ORC5: variants seen among roughly 807,000 people sequenced by gnomAD.
ORC5 encodes the protein origin recognition complex subunit 5, also known as protein phosphatase 1, regulatory subunit 117.
A neutral mutation model predicts 58.8 loss-of-function variants in ORC5; 39 were observed. The ratio of observed to expected loss-of-function variants is 0.66; its 90% CI spans 0.51 to 0.87. The LOEUF is 0.87. Among genes scored for constraint, ORC5 ranks in the 40% least tolerant of loss-of-function variants. The pLI is 0.00. For missense variants in ORC5, 493 were observed against 506.3 expected, an observed-to-expected ratio of 0.97 and a Z score of 0.25; for synonymous variants, 218 against 177.6, an observed-to-expected ratio of 1.23 and a Z score of -1.81.
chr7:104,176,027 A>G (rs1199586449), intron 8 of ORC5, among the ~76,000 whole-genome samples: 2 of 152,266 alleles, frequency 1.3e-5, no homozygotes, highest in Admixed American at 6.5e-5. Context: ...ATGTTGGTAC[A>G]CAGTCTTCAT....
chr7:104,192,644 T>C (rs117983623), intron 5 of ORC5, among the ~76,000 whole-genome samples: 4,139 of 151,860 alleles, frequency 0.027, 73 homozygotes, highest in Non-Finnish European at 0.04. Context: ...CAAAAACTAC[T>C]AGACACATGA....
At chr7:104,127,618 C>G (rs939494429) in intron 13 of ORC5, among the ~76,000 whole-genome samples, 1 of 152,000 alleles carries the variant, frequency 6.6e-6, no homozygotes, top group Non-Finnish European at 1.5e-5. Context: ...AAAATTAAAG[C>G]CTTAAGTATT....
chr7:104,194,395 T>C (rs1215896592), intron 5 of ORC5, among the ~76,000 whole-genome samples: 1 of 152,130 alleles, frequency 6.6e-6, no homozygotes, highest in Non-Finnish European at 1.5e-5. Context: ...CTGCTAACCA[T>C]CTTATACTTC....
In ORC5 at chr7:104,161,122, A is replaced by G; in HGVS notation, c.1099T>C (p.Tyr367His). 1 of 1,611,200 alleles carries G rather than the reference A, an allele frequency of 6.2e-7. No individual in the cohort carries two copies. The highest frequency in any genetic ancestry group is 8.5e-7 in the Non-Finnish European group (1 of 1,177,588). Residue 367 changes from tyrosine (Y) to histidine (H), a missense_variant, in exon 12 of 14, where the codon TAT becomes CAT. Around this residue, in one of 3 missense-constraint regions of ORC5, gnomAD observed 77 missense variants for 86.1 expected, o/e 0.89. Coordinates refer to ENST00000297431, the MANE Select transcript of ORC5 (RefSeq NM_002553.4). ...FPLDRLLAIL[Y>H]SIVDSRVAPT... ...GCAACTCTGCTGTCCACGATACTAT[A>G]TAATATTGCTAATAATCTGTCTAGT...
At chr7:104,205,084 CTCTTTT>C (rs1419693700) in intron 1 of ORC5, among the ~76,000 whole-genome samples, 9 of 102,394 alleles carry the variant, frequency 8.8e-5, no homozygotes, top group Admixed American at 1.9e-4. Flanking sequence ...TTTAATAATA[CTCTTTT>C]TTTTTTTTTT....
intron 12 of ORC5, among the ~76,000 whole-genome samples, chr7:104,155,467 C>G (rs898036360): frequency 6.6e-6 from 1 of 151,148 alleles, no homozygotes; most frequent in Non-Finnish European, 1.5e-5. Flanking sequence ...TCAGCTGTTT[C>G]TTGGTATTAA....
chr7:104,183,330 T>A (rs141896976), intron 8 of ORC5, among the ~76,000 whole-genome samples: 2 of 152,224 alleles, frequency 1.3e-5, no homozygotes, highest in East Asian at 3.9e-4. Context: ...ATTCACTCCC[T>A]TCGACATGTG....
chr7:104,198,936 T>C (rs945690504), intron 3 of ORC5, among the ~76,000 whole-genome samples: 1 of 152,248 alleles, frequency 6.6e-6, no homozygotes, highest in Non-Finnish European at 1.5e-5. Flanking sequence ...GGCCAGCGTA[T>C]AGCTCAGGCT....
intron 4 of ORC5, among the ~76,000 whole-genome samples, chr7:104,197,337 A>G (rs1444478949): frequency 1.3e-5 from 2 of 152,218 alleles, no homozygotes; most frequent in Non-Finnish European, 2.9e-5. Context: ...CTGAGTGATT[A>G]TAAGGTAGAA....
At chr7:104,175,393 C>T (rs995032553) in intron 8 of ORC5, among the ~76,000 whole-genome samples, 1 of 152,152 alleles carries the variant, frequency 6.6e-6, no homozygotes, top group African/African-American at 2.4e-5. Context: ...TTGAGATAAA[C>T]TTGCTGCTAT....
chr7:104,162,559 A>C (rs1799042400), intron 11 of ORC5, among the ~76,000 whole-genome samples: 1 of 152,248 alleles, frequency 6.6e-6, no homozygotes, highest in African/African-American at 2.4e-5. Context: ...ATGAATGTAA[A>C]GAAGAATACC....
At chr7:104,176,035 C>T (rs1799314917) in intron 8 of ORC5, among the ~76,000 whole-genome samples, 1 of 152,232 alleles carries the variant, frequency 6.6e-6, no homozygotes, top group Non-Finnish European at 1.5e-5. Flanking sequence ...ACACAGTCTT[C>T]ATAAGATTGC....
chr7:104,195,384 A>G, intron 4 of ORC5, 130 bp from the exon 5 acceptor site: 1 of 531,068 alleles, frequency 1.9e-6, no homozygotes, highest in South Asian at 2.9e-5. Flanking sequence ...TTGCATATTA[A>G]TAAACCATAT....
At chr7:104,161,614 C>A (rs565372345) in intron 11 of ORC5, among the ~76,000 whole-genome samples, 1 of 152,244 alleles carries the variant, frequency 6.6e-6, no homozygotes, top group East Asian at 1.9e-4. Flanking sequence ...CTCAAGCAAT[C>A]CTCCCCACCT....
intron 6 of ORC5, among the ~76,000 whole-genome samples, chr7:104,186,027 G>C (rs1799535960): frequency 6.6e-6 from 1 of 151,960 alleles, no homozygotes; most frequent in Non-Finnish European, 1.5e-5. Context: ...GAATCAAAAA[G>C]AAATTATTCG....
At chr7:104,169,886 C>T (rs1168249219) in intron 8 of ORC5, among the ~76,000 whole-genome samples, 1 of 152,020 alleles carries the variant, frequency 6.6e-6, no homozygotes, top group East Asian at 1.9e-4. Context: ...CTCTTATTTC[C>T]ACCTTAATTT....
chr7:104,159,959 C>A (rs1238051461), intron 12 of ORC5, among the ~76,000 whole-genome samples: 1 of 152,052 alleles, frequency 6.6e-6, no homozygotes, highest in African/African-American at 2.4e-5. Flanking sequence ...TTAGAAAATA[C>A]ATGGGAAAAA....
chr7:104,149,975 T>C (rs1338075089), intron 12 of ORC5, among the ~76,000 whole-genome samples: 9 of 152,206 alleles, frequency 5.9e-5, no homozygotes, highest in Admixed American at 5.9e-4. Context: ...TGTACTGTTA[T>C]GTCCTTTGTT....
intron 5 of ORC5, among the ~76,000 whole-genome samples, chr7:104,188,651 TACTCATAA>T (rs1300682077): frequency 6.6e-6 from 1 of 152,176 alleles, no homozygotes; most frequent in East Asian, 1.9e-4. Flanking sequence ...TATCTTTTGT[TACTCATAA>T]TAAGTCCTTT....
Sources: allele counts gnomAD v4.1 joint callset (sites outside exome capture counted in the v4.1 genomes callset), GRCh38; gene constraint gnomAD v4.1.1; regional missense constraint gnomAD v4.1.1; transcripts MANE v1.5; gene names NCBI Gene and HGNC (gene_info 2026-07-23, HGNC 2026-07-21).